PDZRN3: variants seen among roughly 807,000 people sequenced by gnomAD.
PDZRN3 encodes the protein PDZ domain containing ring finger 3.
Under a neutral mutation model 85.7 loss-of-function variants are expected in PDZRN3, and 38 were observed. The observed-to-expected ratio is 0.44, with a 90% CI of 0.34 to 0.58. PDZRN3 has a LOEUF of 0.58. PDZRN3 is among the 20% of genes least tolerant of loss of function. The pLI is 0.01. For missense variants in PDZRN3, 1,629 were observed against 1,506.4 expected (o/e 1.08, Z -1.35); for synonymous variants, 759 against 638.0 (o/e 1.19, Z -2.86).
At chr3:73,523,450 T>C (rs1342172565) in intron 3 of PDZRN3, among the ~76,000 whole-genome samples, 1 of 147,480 alleles carries the variant, frequency 6.8e-6, no homozygotes, top group Non-Finnish European at 1.5e-5. Flanking sequence ...CAAATTGCAA[T>C]AGCTATATAT....
chr3:73,569,467 C>T (rs1575743475), intron 3 of PDZRN3: 1 of 1,117,604 alleles, frequency 8.9e-7, no homozygotes, highest in East Asian at 7.7e-5. Context: ...TCTACACTGA[C>T]AATTTCCACT....
intron 3 of PDZRN3, among the ~76,000 whole-genome samples, chr3:73,451,223 T>C (rs1332117550): frequency 3.9e-5 from 6 of 152,114 alleles, no homozygotes; most frequent in African/African-American, 9.7e-5. Context: ...ACAGGCAATA[T>C]AGTAATTAAT....
At chr3:73,423,045 A>G (rs1409235176) in intron 3 of PDZRN3, among the ~76,000 whole-genome samples, 4 of 152,264 alleles carry the variant, frequency 2.6e-5, no homozygotes, top group African/African-American at 9.6e-5. Context: ...TATGTGCATT[A>G]CAAGTTATTC....
rs1158081284 is a variant in PDZRN3, at chr3:73,624,684, G to A, written c.142C>T (p.Gln48Ter). 6 of 1,528,742 alleles carry A rather than the reference G, an allele frequency of 3.9e-6. No individual in the cohort carries two copies. Among genetic ancestry groups the A allele is most frequent in the Non-Finnish European group, 5.2e-6 (6 of 1,143,698 alleles). The allele number at this position is 1,528,742 out of a possible 1,614,324, so 94.7% of individuals were successfully genotyped here. A position where few individuals can be genotyped will look rare whatever the true frequency, so the allele number is the denominator to read the frequency against. Residue 48 changes from glutamine to a stop codon, truncating the protein, a stop_gained, in exon 1 of 10, where the codon CAG (glutamine) becomes TAG (stop). Coordinates refer to ENST00000263666, the MANE Select transcript of PDZRN3 (RefSeq NM_015009.3). LOFTEE classifies it high-confidence loss of function. ...CAGCGCGCCGGGCAGCTGCCCTCCT[G>A]CACCACCCAGGGCAGCACGCAGCCG... ...CAGCVLPWVVQEGSCPARCRG... is the reference protein window; with the variant it reads ...CAGCVLPWVV
At chr3:73,566,129 A>G (rs1701945848) in intron 3 of PDZRN3, among the ~76,000 whole-genome samples, 1 of 152,208 alleles carries the variant, frequency 6.6e-6, no homozygotes. Context: ...ATTTTAAATT[A>G]TATTTTAAAT....
chr3:73,552,953 C>A (rs975033459), intron 3 of PDZRN3, among the ~76,000 whole-genome samples: 1 of 152,166 alleles, frequency 6.6e-6, no homozygotes, highest in Non-Finnish European at 1.5e-5. Context: ...CAACCTACTA[C>A]GTGCTCACCA....
chr3:73,447,161 A>T (rs1053011915), intron 3 of PDZRN3, among the ~76,000 whole-genome samples: 1 of 150,988 alleles, frequency 6.6e-6, no homozygotes, highest in African/African-American at 2.4e-5. Context: ...CCCATCCCCA[A>T]ATTATTTTCA....
intron 3 of PDZRN3, among the ~76,000 whole-genome samples, chr3:73,478,826 A>G (rs574433492): frequency 6.6e-6 from 1 of 152,338 alleles, no homozygotes; most frequent in East Asian, 1.9e-4. Context: ...CTGCATCCCA[A>G]GTGGGGTTAT....
chr3:73,425,794 C>G (rs1033051196), intron 3 of PDZRN3, among the ~76,000 whole-genome samples: 4 of 151,964 alleles, frequency 2.6e-5, no homozygotes, highest in Non-Finnish European at 5.9e-5. Context: ...AAAGATTGAC[C>G]AATGATGTTG....
At chr3:73,480,740 C>A (rs142609369) in intron 3 of PDZRN3, among the ~76,000 whole-genome samples, 1 of 152,130 alleles carries the variant, frequency 6.6e-6, no homozygotes. Context: ...CTCTGGCATC[C>A]GGTACAACAG....
At chr3:73,521,126 C>A (rs1266157753) in intron 3 of PDZRN3, among the ~76,000 whole-genome samples, 1 of 152,128 alleles carries the variant, frequency 6.6e-6, no homozygotes, top group Non-Finnish European at 1.5e-5. Flanking sequence ...GAGACAGGCA[C>A]GGGGAAGTGC....
chr3:73,471,712 C>T (rs1445643568), intron 3 of PDZRN3, among the ~76,000 whole-genome samples: 1 of 152,228 alleles, frequency 6.6e-6, no homozygotes, highest in Non-Finnish European at 1.5e-5. Flanking sequence ...TTCTTGGCCT[C>T]TCAGTCCACA....
intron 4 of PDZRN3, among the ~76,000 whole-genome samples, chr3:73,403,054 C>T (rs551171919): frequency 4.3e-4 from 66 of 152,070 alleles, no homozygotes; most frequent in South Asian, 4.2e-4. Context: ...CGCCATTCTC[C>T]TGCCTCAGCC....
intron 3 of PDZRN3, among the ~76,000 whole-genome samples, chr3:73,428,422 A>T (rs899749900): frequency 6.6e-6 from 1 of 152,204 alleles, no homozygotes; most frequent in African/African-American, 2.4e-5. Context: ...CTTCCTAACA[A>T]ACACTACAAA....
intron 3 of PDZRN3, among the ~76,000 whole-genome samples, chr3:73,424,541 CAAAAAAAAAA>C (rs34550639): frequency 1.1e-3 from 62 of 54,240 alleles, no homozygotes; most frequent in African/African-American, 4.6e-3. Flanking sequence ...GACTCCATCT[CAAAAAAAAAA>C]AAAAAAAAAA....
intron 3 of PDZRN3, among the ~76,000 whole-genome samples, chr3:73,493,019 T>C (rs1003993996): frequency 8.0e-6 from 1 of 125,600 alleles, no homozygotes; most frequent in Non-Finnish European, 1.6e-5. Flanking sequence ...CCTTACACTT[T>C]GGAGACTCTT....
At chr3:73,482,377 T>C (rs1241749257) in intron 3 of PDZRN3, among the ~76,000 whole-genome samples, 1 of 152,154 alleles carries the variant, frequency 6.6e-6, no homozygotes, top group African/African-American at 2.4e-5. Context: ...ATAAATCCAC[T>C]GGAGAGTCTC....
At chr3:73,510,337 C>T (rs1383466370) in intron 3 of PDZRN3, among the ~76,000 whole-genome samples, 4 of 152,154 alleles carry the variant, frequency 2.6e-5, no homozygotes, top group Non-Finnish European at 1.5e-5. Context: ...AAACTGGTGG[C>T]TCCATTTCTA....
chr3:73,403,652 G>A (rs1045187254), intron 4 of PDZRN3, among the ~76,000 whole-genome samples: 1 of 152,150 alleles, frequency 6.6e-6, no homozygotes, highest in Non-Finnish European at 1.5e-5. Flanking sequence ...GGCGTGCTGA[G>A]TTGCAGCTGT....
Sources: allele counts gnomAD v4.1 joint callset (sites outside exome capture counted in the v4.1 genomes callset), GRCh38; gene constraint gnomAD v4.1.1; transcripts MANE v1.5; gene names NCBI Gene and HGNC (gene_info 2026-07-23, HGNC 2026-07-21).